HERC2: variants seen among roughly 807,000 people sequenced by gnomAD.
The protein encoded by HERC2 is HECT and RLD domain containing E3 ubiquitin protein ligase 2, also known as E3 ubiquitin-protein ligase HERC2.
A neutral mutation model predicts 537.7 loss-of-function variants in HERC2; 102 were observed. That is an observed-to-expected ratio of 0.19 (90% CI 0.16 to 0.22). The LOEUF (loss-of-function observed/expected upper bound fraction) is 0.22. HERC2 is among the 10% of genes least tolerant of loss of function. The pLI, the probability that HERC2 is intolerant of heterozygous loss-of-function variation, is 1.00. For synonymous variants in HERC2, 2,224 were observed against 2,466.2 expected (o/e 0.90, Z 2.91); for missense variants, 4,236 against 6,198.2 (o/e 0.68, Z 10.63).
chr15:28,291,909 GAAAAAAAAA>G (rs67813649), intron 4 of HERC2, among the ~76,000 whole-genome samples: 6 of 37,944 alleles, frequency 1.6e-4, no homozygotes, highest in Admixed American at 3.9e-4. Context: ...CGTCTCAAAG[GAAAAAAAAA>G]AAAAAAAAAA....
In HERC2 at chr15:28,142,291, C is replaced by T. The variant is rs1318937591; in HGVS notation, c.11647G>A (p.Val3883Ile). Residue 3883 changes from valine to isoleucine, a missense_variant, in exon 76 of 93, where the codon GTT (valine) becomes ATT (isoleucine). Coordinates refer to ENST00000261609, the MANE Select transcript of HERC2 (RefSeq NM_004667.6). Reference sequence around the variant, plus strand: ...GTTCTTTTGTCAAGGGCCACAGCAACACGGGAGGCCATGCAGTACCTCCGG... The same window carrying T: ...GTTCTTTTGTCAAGGGCCACAGCAATACGGGAGGCCATGCAGTACCTCCGG... ...WFRRYCMASR[V>I]AVALDKRTPL... is the part of the protein sequence containing the mutation. The T allele has an allele frequency of 2.5e-6, 4 of 1,614,082 alleles. No homozygotes were observed. Among genetic ancestry groups the T allele is most frequent in the African/African-American group, 2.7e-5 (2 of 74,934 alleles).
At position 28,177,170 on chromosome 15, in the gene HERC2, T is replaced by C; in HGVS notation, c.9255-43A>G. On this transcript the variant is annotated intron_variant, in intron 60 of 92. Coordinates refer to ENST00000261609, the MANE Select transcript of HERC2 (RefSeq NM_004667.6). This position sits in a 1 kb window ranked among gnomAD's most constrained non-coding sequence, Gnocchi z 5.0. ...CAGCTCTCTACAGTCAATCTGTCCC[T>C]TCTTAGAGATGAAGGAAAAAAGACA... The C allele has an allele frequency of 6.4e-7, 1 of 1,567,112 alleles. No homozygotes were observed. Among genetic ancestry groups the C allele is most frequent in the Non-Finnish European group, 8.7e-7 (1 of 1,151,958 alleles).
rs1406447584 is a variant in HERC2 at position 28,142,920 on chromosome 15, C to T, written c.11451G>A (p.Val3817=). The change falls in exon 75 of 93, where the codon GTG becomes GTA. Residue 3817 remains valine, a synonymous_variant. Transcript: ENST00000261609. The part of the protein sequence containing the change: ...SFTGSALAAL[V]KGLPEALQRQ... ...TTTGCAAAGCTTCTGGAAGACCTTTCACCAAAGCAGCAAGAGCACTACCTG... is the reference window on the plus strand; with the variant it reads ...TTTGCAAAGCTTCTGGAAGACCTTTTACCAAAGCAGCAAGAGCACTACCTG... 2 of 1,606,960 alleles carry T rather than the reference C, an allele frequency of 1.2e-6. No individual in the cohort carries two copies. Among genetic ancestry groups the T allele is most frequent in the Admixed American group, 3.4e-5 (2 of 59,254 alleles).
In HERC2 at chr15:28,263,081, C is replaced by T. The variant is rs1596344915; in HGVS notation, c.1959G>A (p.Lys653=). 1 of 1,614,200 alleles carries T rather than the reference C, an allele frequency of 6.2e-7. No individual in the cohort carries two copies. The highest frequency in any genetic ancestry group is 2.2e-5 in the East Asian group (1 of 44,884). Residue 653 remains lysine (K), a synonymous_variant, in exon 15 of 93, where the codon AAG becomes AAA. Coordinates refer to ENST00000261609, the MANE Select transcript of HERC2 (RefSeq NM_004667.6). The part of the protein sequence containing the change: ...DGCKTPKLIE[K]LQDLDVVKVR... ...CTTTGACCACATCCAAGTCTTGAAG[C>T]TTTTCAATCAGCTTTGGGGTTTTGC...
At chr15:28,270,596 A>G in intron 10 of HERC2, 99 bp downstream of exon 10, 3 of 1,168,012 alleles carry the variant, frequency 2.6e-6, no homozygotes, top group Non-Finnish European at 3.7e-6. Flanking sequence ...TCCCCCTACC[A>G]ATACCAGAAA....
At chr15:28,209,737 G>C (rs1374592652) in intron 44 of HERC2, among the ~76,000 whole-genome samples, 1 of 152,104 alleles carries the variant, frequency 6.6e-6, no homozygotes, top group African/African-American at 2.4e-5. Context: ...AAGCATTAGT[G>C]AATTCTGGTA....
intron 2 of HERC2, among the ~76,000 whole-genome samples, chr15:28,301,735 G>GTGTATATATATA (rs1468330361): frequency 1.1e-4 from 4 of 35,378 alleles, no homozygotes; most frequent in Non-Finnish European, 1.5e-4. Flanking sequence ...GTATGTATGT[G>GTGTATATATATA]TATATATATA....
rs1164272626 is a variant in HERC2 at position 28,310,509 on chromosome 15, C to T, written c.72+10853G>A. 2.6e-5 allele frequency among the ~76,000 whole-genome samples: 4 copies of T among 151,858 alleles called. No homozygotes were observed. The East Asian group carries it at 5.8e-4, about 22-fold the overall frequency. On this transcript the variant is annotated intron_variant, in intron 2 of 92. Coordinates refer to ENST00000261609, the MANE Select transcript of HERC2 (RefSeq NM_004667.6). ...TAAAAAATAAAATTAAAAAGTGAGCCGAAAACATTCAGGGCCCCTGAAGTT... is the reference window on the plus strand; with the variant it reads ...TAAAAAATAAAATTAAAAAGTGAGCTGAAAACATTCAGGGCCCCTGAAGTT...
At chr15:28,317,767 C>T (rs1181386296) in intron 2 of HERC2, among the ~76,000 whole-genome samples, 5 of 152,328 alleles carry the variant, frequency 3.3e-5, no homozygotes, top group South Asian at 2.1e-4. Flanking sequence ...ACTACGCACA[C>T]ACATTGTACC....
intron 20 of HERC2, among the ~76,000 whole-genome samples, chr15:28,249,771 C>T (rs1419121338): frequency 6.6e-6 from 1 of 151,766 alleles, no homozygotes; most frequent in African/African-American, 2.4e-5. Flanking sequence ...CTCAGCCTCC[C>T]GAGTAGCTGG....
chr15:28,308,262 T>G (rs1447225593), intron 2 of HERC2, among the ~76,000 whole-genome samples: 1 of 152,220 alleles, frequency 6.6e-6, no homozygotes, highest in African/African-American at 2.4e-5. Flanking sequence ...TACAGAGATC[T>G]TTGTAATTAT....
At chr15:28,270,341 C>A (rs1272679765) in intron 10 of HERC2, among the ~76,000 whole-genome samples, 2 of 151,872 alleles carry the variant, frequency 1.3e-5, no homozygotes, top group African/African-American at 2.4e-5. Context: ...TCACTACTAT[C>A]ACCAGCATTA....
At chr15:28,137,664 T>A (rs1322569490) in intron 78 of HERC2, among the ~76,000 whole-genome samples, 2 of 152,218 alleles carry the variant, frequency 1.3e-5, no homozygotes, top group African/African-American at 2.4e-5. Flanking sequence ...GCCAACCAGC[T>A]GTTCTCCCAT....
Position 28,135,543 on chromosome 15 carries a change from A to C in HERC2, c.12165T>G (p.Ser4055=). Reference sequence around the variant, plus strand: ...CCCAAGAGTAAACTTCTCCTTCTGAAGACAGGGCAAGGCAGTGCTTTCCTC... The same window carrying C: ...CCCAAGAGTAAACTTCTCCTTCTGACGACAGGGCAAGGCAGTGCTTTCCTC... ...NSGGKHCLAL[S]SEGEVYSWGE... The change falls in exon 79 of 93, where the codon TCT becomes TCG. Residue 4055 remains serine, a synonymous_variant. Coordinates refer to ENST00000261609, the MANE Select transcript of HERC2 (RefSeq NM_004667.6). 2 of 1,614,232 alleles carry C rather than the reference A, an allele frequency of 1.2e-6. No individual in the cohort carries two copies. The highest frequency in any genetic ancestry group is 1.7e-6 in the Non-Finnish European group (2 of 1,180,030).
chr15:28,216,207 A>G (rs1899884096), intron 38 of HERC2, among the ~76,000 whole-genome samples: 1 of 152,196 alleles, frequency 6.6e-6, no homozygotes, highest in African/African-American at 2.4e-5. Context: ...AAAACCATCT[A>G]TAATTCAAAT....
chr15:28,144,404 C>G (rs995243491), intron 72 of HERC2, among the ~76,000 whole-genome samples, 169 bp from the exon 73 acceptor site: 4 of 152,214 alleles, frequency 2.6e-5, no homozygotes, highest in African/African-American at 9.6e-5. Context: ...TTCACACTCA[C>G]ATTTCCACTG....
chr15:28,291,587 G>A (rs1596404628), intron 4 of HERC2, among the ~76,000 whole-genome samples: 1 of 151,536 alleles, frequency 6.6e-6, no homozygotes, highest in Non-Finnish European at 1.5e-5. Flanking sequence ...ATTTTTAATT[G>A]GAATGAAAAT....
At chr15:28,310,261 C>G (rs2076904890) in intron 2 of HERC2, among the ~76,000 whole-genome samples, 1 of 152,148 alleles carries the variant, frequency 6.6e-6, no homozygotes, top group Admixed American at 6.6e-5. Flanking sequence ...GCCTGAACAA[C>G]ATGGCAAAAC....
chr15:28,278,996 A>G lies in HERC2; in HGVS notation c.542+1072T>C, dbSNP rs1324851209. ...AATTAAAACTCATATGCCCAAAAGC[A>G]TCTCTTTTTTTTGCTTCTTTTTGAG... On this transcript the variant is annotated intron_variant, in intron 5 of 92. Coordinates refer to ENST00000261609, the MANE Select transcript of HERC2 (RefSeq NM_004667.6). 3.3e-5 allele frequency among the ~76,000 whole-genome samples: 5 copies of G among 152,194 alleles called. No individual in the cohort carries two copies. The East Asian group carries it at 9.6e-4, about 29-fold the overall frequency.
Sources: gnomAD v4.1 joint callset for allele counts (sites outside exome capture counted in the v4.1 genomes callset) on GRCh38, gnomAD v4.1.1 for gene constraint, Gnocchi (gnomAD v3.1) non-coding constraint, MANE v1.5 for transcripts, NCBI Gene and HGNC (gene_info 2026-07-23, HGNC 2026-07-21) for gene names.